Variants in ASAP3 observed in about 807,000 individuals in gnomAD.
ASAP3 encodes arf-GAP with SH3 domain, ANK repeat and PH domain-containing protein 3.
Under a neutral mutation model 118.2 loss-of-function variants are expected in ASAP3, and 85 were observed. That is an observed-to-expected ratio of 0.72 (90% CI 0.60 to 0.86). The LOEUF (loss-of-function observed/expected upper bound fraction) is 0.86, where lower values mean the gene tolerates loss of function less well. Among genes scored for constraint, ASAP3 ranks in the 40% least tolerant of loss-of-function variants. ASAP3 has a pLI of 0.00. For synonymous variants in ASAP3, 432 were observed against 477.4 expected (o/e 0.90, Z 1.24); for missense variants, 1,026 against 1,175.0 (o/e 0.87, Z 1.85).
chr1:23,448,198 G>T (rs898704702), intron 5 of ASAP3, among the ~76,000 whole-genome samples: 3 of 152,188 alleles, frequency 2.0e-5, no homozygotes, highest in African/African-American at 7.2e-5. Context: ...TACAGCAACA[G>T]TCCAGTGTTA....
chr1:23,461,605 G>A (rs942639524), intron 1 of ASAP3, among the ~76,000 whole-genome samples: 6 of 151,736 alleles, frequency 4.0e-5, no homozygotes, highest in African/African-American at 1.2e-4. Context: ...AGGCTATAGT[G>A]AGCTGTGATC....
rs543742745 is a variant in ASAP3 at position 23,449,090 on chromosome 1, G to A, written c.473+2389C>T. On this transcript the variant is annotated intron_variant, in intron 5 of 24. Coordinates refer to ENST00000336689, the MANE Select transcript of ASAP3 (RefSeq NM_017707.4). Reference sequence around the variant, plus strand: ...GAACAGGGACCATTTTACAGATGATGAAGCTGAGATCCAGAGAAGGAAAAT... The same window carrying A: ...GAACAGGGACCATTTTACAGATGATAAAGCTGAGATCCAGAGAAGGAAAAT... Among the ~76,000 whole-genome samples, 6 of 152,276 alleles carry A rather than the reference G, an allele frequency of 3.9e-5. No homozygotes were observed. In the South Asian group the frequency reaches 1.2e-3, roughly 32 times the overall value.
chr1:23,431,437 C>G (rs1385381992), intron 23 of ASAP3, among the ~76,000 whole-genome samples: 1 of 152,312 alleles, frequency 6.6e-6, no homozygotes, highest in East Asian at 1.9e-4. Context: ...GAATAAGCCA[C>G]ACAGGGGGCT....
intron 5 of ASAP3, among the ~76,000 whole-genome samples, chr1:23,450,055 G>A (rs1230339760): frequency 1.3e-5 from 2 of 152,148 alleles, no homozygotes; most frequent in African/African-American, 4.8e-5. Context: ...GGCAGGGATA[G>A]GGCCCCACAG....
At chr1:23,449,762 C>A (rs1641157706) in intron 5 of ASAP3, among the ~76,000 whole-genome samples, 1 of 152,238 alleles carries the variant, frequency 6.6e-6, no homozygotes, top group Non-Finnish European at 1.5e-5. Context: ...GCCAAGCCCC[C>A]TTTCCCATCA....
chr1:23,463,485 G>A (rs1292066392), intron 1 of ASAP3, among the ~76,000 whole-genome samples: 1 of 152,146 alleles, frequency 6.6e-6, no homozygotes, highest in African/African-American at 2.4e-5. Flanking sequence ...TTTCCAGAGT[G>A]CTATGATGAG....
intron 24 of ASAP3, among the ~76,000 whole-genome samples, chr1:23,430,737 C>T (rs926426672): frequency 2.6e-5 from 4 of 152,210 alleles, no homozygotes; most frequent in Admixed American, 6.5e-5. Flanking sequence ...CAGCTTCACC[C>T]AGCCCTGGGC....
At chr1:23,457,895 G>A (rs1641439627) in intron 1 of ASAP3, among the ~76,000 whole-genome samples, 1 of 152,232 alleles carries the variant, frequency 6.6e-6, no homozygotes, top group South Asian at 2.1e-4. Flanking sequence ...GGGTTGGTAT[G>A]AGGGCTATAT....
intron 5 of ASAP3, among the ~76,000 whole-genome samples, chr1:23,451,128 T>C (rs1209767504): frequency 6.6e-6 from 1 of 152,244 alleles, no homozygotes; most frequent in Non-Finnish European, 1.5e-5. Context: ...ATTGTGATAC[T>C]AATACCTCTC....
intron 7 of ASAP3, 111 bp downstream of exon 7, chr1:23,442,075 G>T (rs1322311544): frequency 2.5e-6 from 3 of 1,177,678 alleles, no homozygotes; most frequent in East Asian, 2.6e-5. Flanking sequence ...TGAAAGTTCT[G>T]CCAAAAAGAT....
chr1:23,442,034 T>C, intron 7 of ASAP3, 152 bp downstream of exon 7: 2 of 824,420 alleles, frequency 2.4e-6, no homozygotes, highest in Non-Finnish European at 3.9e-6. Flanking sequence ...TACTCATGCC[T>C]GACACCCGGT....
intron 1 of ASAP3, among the ~76,000 whole-genome samples, chr1:23,483,601 G>A (rs1172027407): frequency 6.6e-6 from 1 of 152,188 alleles, no homozygotes; most frequent in African/African-American, 2.4e-5. Flanking sequence ...CCGGGGGGAA[G>A]AAAGTTCAGG....
rs765453970 is a variant in ASAP3 at position 23,456,145 on chromosome 1, C to T, written c.179G>A (p.Arg60Gln). ...AILQRIKKAV[R>Q]AIHSSGLGHV... ...ACCAAGGCCGGAGCTATGGATTGCC[C>T]GCACAGCCTTCTTTATTCTCTGCAG... The change falls in exon 2 of 25, where the codon CGG (arginine) becomes CAG (glutamine). Residue 60 changes from arginine to glutamine, a missense_variant. Physicochemically the swap from Arg to Gln is conservative, Grantham distance 43. Coordinates refer to ENST00000336689, the MANE Select transcript of ASAP3 (RefSeq NM_017707.4). 8 of 1,613,992 alleles carry T rather than the reference C, an allele frequency of 5.0e-6. No homozygotes were observed. Among genetic ancestry groups the T allele is most frequent in the East Asian group, 2.2e-5 (1 of 44,886 alleles).
At chr1:23,471,584 G>A (rs1326547526) in intron 1 of ASAP3, among the ~76,000 whole-genome samples, 1 of 152,184 alleles carries the variant, frequency 6.6e-6, no homozygotes, top group African/African-American at 2.4e-5. Flanking sequence ...CAAGGGTTAA[G>A]GACTCCGGCT....
intron 1 of ASAP3, among the ~76,000 whole-genome samples, chr1:23,462,239 T>A (rs946935665): frequency 6.6e-6 from 1 of 151,204 alleles, no homozygotes; most frequent in Non-Finnish European, 1.5e-5. Flanking sequence ...TTAGCCAGGA[T>A]GGTCTCGATC....
chr1:23,478,078 CACACCGCCCAACAAA>C (rs1195040598), intron 1 of ASAP3, among the ~76,000 whole-genome samples: 4 of 152,210 alleles, frequency 2.6e-5, no homozygotes, highest in Non-Finnish European at 5.9e-5. Context: ...TCCACTGGTC[CACACCGCCCAACAAA>C]AAGTCAGAAT....
At position 23,429,590 on chromosome 1, in the gene ASAP3, G is replaced by C. The variant is rs962463017; in HGVS notation, c.*266C>G. 2.8e-6 allele frequency: 1 copy of C among 358,576 alleles called. No individual in the cohort carries two copies. Among genetic ancestry groups the C allele is most frequent in the Non-Finnish European group, 5.2e-6 (1 of 193,968 alleles). The allele number at this position is 358,576 out of a possible 1,614,324, so 22.2% of individuals were successfully genotyped here. A position where few individuals can be genotyped will look rare whatever the true frequency, so the allele number is the denominator to read the frequency against. ...GAGTTCTGCAGCTGAAGCCAGCTCA[G>C]GAGCACTCAGATCCAGCCACAGGGC... On this transcript the variant is annotated 3_prime_UTR_variant, in exon 25 of 25. Coordinates refer to ENST00000336689, the MANE Select transcript of ASAP3 (RefSeq NM_017707.4).
rs1442226882 is a variant in ASAP3 at position 23,431,049 on chromosome 1, T to C, written c.2623A>G (p.Arg875Gly). The change falls in exon 24 of 25, where the codon AGA (arginine) becomes GGA (glycine). Residue 875 changes from arginine (R) to glycine (G), a missense_variant. Physicochemically the swap from Arg to Gly is moderately radical, Grantham distance 125. Coordinates refer to ENST00000336689, the MANE Select transcript of ASAP3 (RefSeq NM_017707.4). ...AGAGTTCCTACCGGCACGTTCCTTCTGGGCAGAGGCTGCCTGGCTGAGGGA... is the reference window on the plus strand; with the variant it reads ...AGAGTTCCTACCGGCACGTTCCTTCCGGGCAGAGGCTGCCTGGCTGAGGGA... ...DGPSARQPLP[R>G]RNVPVGITEG... 1.3e-6 allele frequency: 2 copies of C among 1,587,212 alleles called. No homozygotes were observed. The highest frequency in any genetic ancestry group is 8.6e-7 in the Non-Finnish European group (1 of 1,168,260).
intron 1 of ASAP3, among the ~76,000 whole-genome samples, chr1:23,473,953 G>A (rs1284614567): frequency 2.1e-5 from 3 of 141,552 alleles, no homozygotes; most frequent in Non-Finnish European, 3.0e-5. Flanking sequence ...GTGTGGAGGC[G>A]AAAATGGCAT....
Sources: allele counts gnomAD v4.1 joint callset (sites outside exome capture counted in the v4.1 genomes callset), GRCh38; gene constraint gnomAD v4.1.1; transcripts MANE v1.5; gene names NCBI Gene and HGNC (gene_info 2026-07-23, HGNC 2026-07-21).